The following PSD2 variants were observed in gnomAD, a reference collection of about 807,000 sequenced individuals.
The protein encoded by PSD2 is PH and SEC7 domain-containing protein 2.
In PSD2, 38 loss-of-function variants were observed where a neutral mutation model predicts 69.8. The observed-to-expected ratio is 0.54, with a 90% CI of 0.42 to 0.71. PSD2 has a LOEUF of 0.71. PSD2 is among the 30% of genes least tolerant of loss of function. The pLI is 0.00. For synonymous variants in PSD2, 412 were observed against 423.0 expected (o/e 0.97, Z 0.32); for missense variants, 943 against 1,014.5 (o/e 0.93, Z 0.96).
chr5:139,790,279 G>A, the PSD2 span, among the ~76,000 whole-genome samples: 259 of 152,240 alleles, frequency 1.7e-3, 1 homozygote, highest in African/African-American at 6.1e-3. Context: ...GTCAGTGTGG[G>A]TTGGGTTAAG....
chr5:139,794,099 C>T (rs756578877), upstream of PSD2, among the ~76,000 whole-genome samples: 6 of 152,206 alleles, frequency 3.9e-5, no homozygotes, highest in Non-Finnish European at 7.3e-5. Flanking sequence ...AGATCCTGGG[C>T]ACCTGCACAG....
Position 139,842,277 on chromosome 5 carries a change from C to T in PSD2, c.2119C>T (p.Arg707Cys), listed in dbSNP as rs1384090163. 4.3e-6 allele frequency: 7 copies of T among 1,613,946 alleles called. No individual in the cohort carries two copies. Among genetic ancestry groups the T allele is most frequent in the South Asian group, 1.1e-5 (1 of 91,064 alleles). Residue 707 changes from arginine to cysteine, a missense_variant, in exon 15 of 15, where the codon CGT becomes TGT. Around this residue, in one of 3 missense-constraint regions of PSD2, gnomAD observed 165 missense variants for 168.8 expected, o/e 0.98. Transcript: ENST00000274710. ...KEHYLTFEKS[R>C]YETYIHLLAM... ...GTGTTTGGCCTTTCCCCAGAAAAGCCGTTATGAGACCTATATCCACCTCCT... is the reference window on the plus strand; with the variant it reads ...GTGTTTGGCCTTTCCCCAGAAAAGCTGTTATGAGACCTATATCCACCTCCT...
At chr5:139,838,240 G>GCC (rs1306313370) in intron 12 of PSD2, among the ~76,000 whole-genome samples, 1 of 152,212 alleles carries the variant, frequency 6.6e-6, no homozygotes, top group African/African-American at 2.4e-5. Flanking sequence ...AGTGGGTGAG[G>GCC]CCTCAGGATC....
chr5:139,837,493 C>A lies in PSD2; in HGVS notation c.1666-132C>A. On this transcript the variant is annotated intron_variant, in intron 11 of 14. Transcript: ENST00000274710. The surrounding 1 kb of genome is among the most constrained non-coding windows in gnomAD (Gnocchi z 5.0). ...GGGTAAGGGGAGGAGTACCTGGATT[C>A]TTGTTGGGGTGGGTGAGGCAGCAGG... 2 of 1,004,314 alleles carry A rather than the reference C, an allele frequency of 2.0e-6. No homozygotes were observed. Among genetic ancestry groups the A allele is most frequent in the African/African-American group, 1.6e-5 (1 of 61,716 alleles). The allele number at this position is 1,004,314 out of a possible 1,614,324, so 62.2% of individuals were successfully genotyped here.
chr5:139,790,916 G>T (rs957602580), upstream of PSD2, among the ~76,000 whole-genome samples: 4 of 151,884 alleles, frequency 2.6e-5, no homozygotes, highest in Admixed American at 2.0e-4. Flanking sequence ...GGTTGGGTGG[G>T]GGGGAGCGCC....
At chr5:139,835,307 TC>T (rs1561607396) in intron 8 of PSD2, among the ~76,000 whole-genome samples, 1 of 151,764 alleles carries the variant, frequency 6.6e-6, no homozygotes, top group Non-Finnish European at 1.5e-5. Context: ...CCTGCTTGTT[TC>T]CCCACCCATC....
chr5:139,744,728 G>A, the PSD2 span, among the ~76,000 whole-genome samples: 885 of 152,222 alleles, frequency 5.8e-3, 7 homozygotes, highest in African/African-American at 0.019. Context: ...TTTATGAGGC[G>A]GGCAGGAAGA....
the PSD2 span, among the ~76,000 whole-genome samples, chr5:139,785,245 T>A: frequency 6.6e-6 from 1 of 150,978 alleles, no homozygotes. Context: ...TTTTTTTTTT[T>A]TCAGGGTCTG....
the PSD2 span, among the ~76,000 whole-genome samples, chr5:139,787,660 G>A: frequency 5.2e-4 from 79 of 152,348 alleles, no homozygotes; most frequent in East Asian, 0.015. Flanking sequence ...AAGAGCCCCC[G>A]TCGCTGGCCT....
intron 1 of PSD2, among the ~76,000 whole-genome samples, chr5:139,803,779 G>A (rs948332806): frequency 1.1e-4 from 17 of 152,180 alleles, no homozygotes; most frequent in African/African-American, 2.9e-4. Flanking sequence ...CTGGGTGGGC[G>A]TCCCTTCCAA....
chr5:139,790,363 G>A, the PSD2 span, among the ~76,000 whole-genome samples: 1 of 152,106 alleles, frequency 6.6e-6, no homozygotes, highest in African/African-American at 2.4e-5. Flanking sequence ...ACCTCAGGTG[G>A]AAAGGTCCAG....
At chr5:139,744,145 C>T in the PSD2 span, among the ~76,000 whole-genome samples, 62 of 152,290 alleles carry the variant, frequency 4.1e-4, no homozygotes, top group South Asian at 1.7e-3. Flanking sequence ...AAGTATGAGA[C>T]GACCCCTTCT....
the PSD2 span, among the ~76,000 whole-genome samples, chr5:139,759,353 C>A: frequency 6.6e-6 from 1 of 152,018 alleles, no homozygotes; most frequent in Non-Finnish European, 1.5e-5. Context: ...TCGTTTCCCC[C>A]ACATTCTCCC....
At chr5:139,748,687 G>C in the PSD2 span, among the ~76,000 whole-genome samples, 4 of 152,268 alleles carry the variant, frequency 2.6e-5, no homozygotes, top group Non-Finnish European at 5.9e-5. Flanking sequence ...GAGAACAAAG[G>C]CCGGGCAGGT....
chr5:139,827,205 A>G (rs1170035343), intron 7 of PSD2, among the ~76,000 whole-genome samples: 3 of 152,184 alleles, frequency 2.0e-5, no homozygotes, highest in Non-Finnish European at 4.4e-5. Flanking sequence ...TTGGAGAGAG[A>G]GAGCCACAGT....
Position 139,839,273 on chromosome 5 carries a change from C to T in PSD2, c.1968+501C>T, listed in dbSNP as rs186445703. The stretch of plus-strand genomic sequence containing the variant: ...CCGGAGCTTGAGAGGTAGAGGGCAG[C>T]GGAAGCCCCACACTTCCTCTTTGCC... On this transcript the variant is annotated intron_variant, in intron 13 of 14. Transcript: ENST00000274710. This position sits in a 1 kb window ranked among gnomAD's most constrained non-coding sequence, Gnocchi z 5.1. 1.3e-5 allele frequency among the ~76,000 whole-genome samples: 2 copies of T among 152,364 alleles called. No individual in the cohort carries two copies. Among genetic ancestry groups the T allele is most frequent in the East Asian group, 1.9e-4 (1 of 5,192 alleles).
In PSD2 at chr5:139,813,709, G is replaced by T. The variant is rs764948094; in HGVS notation, c.772G>T (p.Asp258Tyr). The T allele has an allele frequency of 2.5e-6, 4 of 1,613,128 alleles. No individual in the cohort carries two copies. The highest frequency in any genetic ancestry group is 3.4e-6 in the Non-Finnish European group (4 of 1,179,580). The change falls in exon 3 of 15, where the codon GAT becomes TAT. Residue 258 changes from aspartate (D) to tyrosine (Y), a missense_variant. By Grantham distance (160) the Asp-to-Tyr change is radical. Coordinates refer to ENST00000274710, the MANE Select transcript of PSD2 (RefSeq NM_032289.4). Reference sequence around the variant, plus strand: ...AGATGGCCCTCAGGGCCCAGGGGGGGATGAGGATGATGATGAGGAGGACAC... The same window carrying T: ...AGATGGCCCTCAGGGCCCAGGGGGGTATGAGGATGATGATGAGGAGGACAC... ...HEDGPQGPGG[D>Y]EDDDEEDTDK... is the part of the protein sequence containing the mutation.
the PSD2 span, among the ~76,000 whole-genome samples, chr5:139,756,821 G>A: frequency 6.6e-6 from 1 of 152,168 alleles, no homozygotes; most frequent in Non-Finnish European, 1.5e-5. Flanking sequence ...TTCCTCCGCT[G>A]GGAAATAGGG....
the PSD2 span, among the ~76,000 whole-genome samples, chr5:139,766,935 T>TTCTTTCTC: frequency 3.8e-4 from 27 of 71,234 alleles, no homozygotes; most frequent in Non-Finnish European, 6.5e-4. Context: ...CTTCCCTTCT[T>TTCTTTCTC]TCTTTCTTTC....
Sources: allele counts gnomAD v4.1 joint callset (sites outside exome capture counted in the v4.1 genomes callset), GRCh38; gene constraint gnomAD v4.1.1; regional missense constraint gnomAD v4.1.1; non-coding constraint Gnocchi (gnomAD v3.1); transcripts MANE v1.5; gene names NCBI Gene and HGNC (gene_info 2026-07-23, HGNC 2026-07-21).